Variants in COL4A3 observed in about 807,000 individuals in gnomAD.
The protein encoded by COL4A3 is collagen alpha-3(IV) chain.
A neutral mutation model predicts 217.4 loss-of-function variants in COL4A3; 135 were observed. The ratio of observed to expected loss-of-function variants is 0.62; its 90% CI spans 0.54 to 0.72. COL4A3 has a LOEUF of 0.72. Among genes scored for constraint, COL4A3 ranks in the 30% least tolerant of loss-of-function variants. COL4A3 has a pLI of 0.00. For missense variants in COL4A3, 1,868 were observed against 2,119.9 expected (o/e 0.88, Z 2.33); for synonymous variants, 690 against 736.3 (o/e 0.94, Z 1.02).
chr2:227,205,979 A>G (rs1042751516), intron 1 of COL4A3, among the ~76,000 whole-genome samples: 1 of 152,190 alleles, frequency 6.6e-6, no homozygotes, highest in Non-Finnish European at 1.5e-5. Context: ...TACAAGGAAA[A>G]TCATCTGGGA....
intron 1 of COL4A3, among the ~76,000 whole-genome samples, chr2:227,183,910 T>C (rs1473408308): frequency 1.3e-5 from 2 of 152,192 alleles, no homozygotes; most frequent in East Asian, 3.8e-4. Context: ...GCAAAAACTC[T>C]CCATCAGTTC....
chr2:227,311,329 T>C (rs1247942726), intron 51 of COL4A3, among the ~76,000 whole-genome samples: 1 of 152,056 alleles, frequency 6.6e-6, no homozygotes, highest in Non-Finnish European at 1.5e-5. Context: ...TTTTCAGAAA[T>C]ATACTTCTTC....
rs2069968516 is a variant in COL4A3 at position 227,253,975 on chromosome 2, T to C, written c.766-137T>C. ...TGAAATGTGAGAAATGGAAGGTGTA[T>C]TGGGTTGTGTTAACACGAGGCACAT... On this transcript the variant is annotated intron_variant, in intron 13 of 51. Transcript: ENST00000396578. This position sits in a 1 kb window ranked among gnomAD's most constrained non-coding sequence, Gnocchi z 4.4. 2.4e-6 allele frequency: 2 copies of C among 820,732 alleles called. No individual in the cohort carries two copies. The highest frequency in any genetic ancestry group is 1.4e-5 in the South Asian group (1 of 70,330). 50.8% of individuals were successfully genotyped at this position (820,732 alleles called of 1,614,324 possible).
chr2:227,282,612 C>T lies in COL4A3; in HGVS notation c.2656+80C>T, dbSNP rs916061232. On this transcript the variant is annotated intron_variant, in intron 32 of 51. Coordinates refer to ENST00000396578, the MANE Select transcript of COL4A3 (RefSeq NM_000091.5). The surrounding 1 kb of genome is among the most constrained non-coding windows in gnomAD (Gnocchi z 4.4). ...GCTCTGTCAACTGTACATAGGCATA[C>T]GCTTTTTACTCTATGCTTTTACTTA... The T allele has an allele frequency of 4.8e-5, 60 of 1,245,416 alleles. 1 individual carries two copies. The highest frequency in any genetic ancestry group is 1.9e-4 in the African/African-American group (13 of 67,148). 77.1% of individuals were successfully genotyped at this position (1,245,416 alleles called of 1,614,324 possible).
intron 1 of COL4A3, among the ~76,000 whole-genome samples, chr2:227,219,881 C>T (rs1442136267): frequency 6.6e-6 from 1 of 152,092 alleles, no homozygotes; most frequent in Admixed American, 6.5e-5. Flanking sequence ...GCATTTGTAA[C>T]CCCAGTGCTG....
At chr2:227,256,001 TG>T (rs2070143268) in intron 15 of COL4A3, 24 bp from the exon 16 acceptor site, 2 of 1,611,582 alleles carry the variant, frequency 1.2e-6, no homozygotes, top group African/African-American at 2.7e-5. Context: ...TTACATTTCA[TG>T]TTTTTGATTT....
intron 34 of COL4A3, among the ~76,000 whole-genome samples, chr2:227,288,895 G>A (rs1303293076): frequency 2.0e-5 from 3 of 151,700 alleles, no homozygotes; most frequent in African/African-American, 7.3e-5. Flanking sequence ...ACCAGGATGT[G>A]GATGGGTCTG....
At chr2:227,301,154 T>G (rs543991179) in intron 43 of COL4A3, among the ~76,000 whole-genome samples, 1 of 152,314 alleles carries the variant, frequency 6.6e-6, no homozygotes, top group South Asian at 2.1e-4. Context: ...CAGCTGGAAT[T>G]AATCCCTTAA....
At chr2:227,166,966 A>G (rs2065300791) in intron 1 of COL4A3, among the ~76,000 whole-genome samples, 1 of 152,208 alleles carries the variant, frequency 6.6e-6, no homozygotes, top group Admixed American at 6.5e-5. Context: ...ATGGGGTAAG[A>G]GAGACTCTTC....
intron 1 of COL4A3, among the ~76,000 whole-genome samples, chr2:227,196,995 T>C: frequency 6.6e-6 from 1 of 152,246 alleles, no homozygotes; most frequent in South Asian, 2.1e-4. Flanking sequence ...CATGGTGTTC[T>C]CATGGTAGTG....
At chr2:227,204,821 C>T (rs2067038012) in intron 1 of COL4A3, among the ~76,000 whole-genome samples, 1 of 152,166 alleles carries the variant, frequency 6.6e-6, no homozygotes, top group Non-Finnish European at 1.5e-5. Flanking sequence ...CCTGTAATGT[C>T]AAGTGTGTTT....
At chr2:227,211,550 C>T (rs575368204) in intron 1 of COL4A3, among the ~76,000 whole-genome samples, 1 of 152,212 alleles carries the variant, frequency 6.6e-6, no homozygotes, top group Non-Finnish European at 1.5e-5. Flanking sequence ...TTAGCAAGTG[C>T]TACATTCATG....
At chr2:227,283,996 TC>T (rs1261916721) in intron 33 of COL4A3, 140 bp downstream of exon 33, 3 of 982,070 alleles carry the variant, frequency 3.1e-6, no homozygotes, top group Non-Finnish European at 4.6e-6. Flanking sequence ...TTTTCTATGT[TC>T]CTTTTCTCCA....
At chr2:227,263,694 A>C in intron 20 of COL4A3, 86 bp from the exon 21 acceptor site, 3 of 1,343,508 alleles carry the variant, frequency 2.2e-6, no homozygotes, top group Non-Finnish European at 3.1e-6. Context: ...TTTATAAATA[A>C]AATTAAATCA....
intron 21 of COL4A3, 60 bp downstream of exon 21, chr2:227,264,004 C>T (rs2070746006): frequency 6.3e-7 from 1 of 1,590,856 alleles, no homozygotes; most frequent in Admixed American, 1.7e-5. Context: ...TGTGTGCAAA[C>T]CACGGGCAAC....
Position 227,304,036 on chromosome 2 carries a change from G to A in COL4A3, c.4045G>A (p.Gly1349Ser), listed in dbSNP as rs2073401281. Residue 1349 changes from glycine (G) to serine (S), a missense_variant, in exon 46 of 52, where the codon GGC (glycine) becomes AGC (serine). Transcript: ENST00000396578. ...GTCAACAGGTGTACGTGGAGACCCTGGCACACTTAAGATTATCTCCCTTCC... is the reference window on the plus strand; with the variant it reads ...GTCAACAGGTGTACGTGGAGACCCTAGCACACTTAAGATTATCTCCCTTCC... The part of the protein sequence containing the change: ...KGPPGVRGDP[G>S]TLKIISLPGS... 1 of 1,614,150 alleles carries A rather than the reference G, an allele frequency of 6.2e-7. No individual in the cohort carries two copies. Among genetic ancestry groups the A allele is most frequent in the Non-Finnish European group, 8.5e-7 (1 of 1,180,008 alleles).
At position 227,270,710 on chromosome 2, in the gene COL4A3, G is replaced by A. The variant is rs73993878; in HGVS notation, c.1576-60G>A. ...AAGTTCTTGTCCACACTGTTTTTAA[G>A]ATTGACAGAAGAAGAATTCTAACAA... is the stretch of plus-strand genomic sequence containing the variant. On this transcript the variant is annotated intron_variant, in intron 24 of 51. Transcript: ENST00000396578. 0.14 allele frequency: 219,218 copies of A among 1,554,140 alleles called. 15,740 individuals carry two copies. The highest frequency in any genetic ancestry group is 0.15 in the Non-Finnish European group (170,723 of 1,128,718).
At chr2:227,247,528 CT>C in intron 7 of COL4A3, 29 bp from the exon 8 acceptor site, 1 of 1,612,648 alleles carries the variant, frequency 6.2e-7, no homozygotes, top group Non-Finnish European at 8.5e-7. Flanking sequence ...TGATATTCCT[CT>C]AGTTGTTCAT....
At chr2:227,303,790 C>T in intron 44 of COL4A3, 69 bp from the exon 45 acceptor site, 1 of 1,453,084 alleles carries the variant, frequency 6.9e-7, no homozygotes, top group Non-Finnish European at 9.7e-7. Context: ...TAGAGTCAAT[C>T]ATCAACCTGA....
Sources: gnomAD v4.1 joint callset for allele counts (sites outside exome capture counted in the v4.1 genomes callset) on GRCh38, gnomAD v4.1.1 for gene constraint, Gnocchi (gnomAD v3.1) non-coding constraint, MANE v1.5 for transcripts, NCBI Gene and HGNC (gene_info 2026-07-23, HGNC 2026-07-21) for gene names.